LRRC4C: variants seen among roughly 807,000 people sequenced by gnomAD.
The protein encoded by LRRC4C is leucine-rich repeat-containing protein 4C.
In LRRC4C, 5 loss-of-function variants were observed where a neutral mutation model predicts 33.6. That is an observed-to-expected ratio of 0.15 (90% CI 0.08 to 0.31). LRRC4C has a LOEUF of 0.31. LRRC4C is among the 10% of genes least tolerant of loss of function. The pLI is 1.00. For synonymous variants in LRRC4C, 329 were observed against 302.0 expected (o/e 1.09, Z -0.93); for missense variants, 560 against 796.7 (o/e 0.70, Z 3.58).
At chr11:40,459,005 A>G (rs1952263386) in intron 3 of LRRC4C, among the ~76,000 whole-genome samples, 1 of 152,210 alleles carries the variant, frequency 6.6e-6, no homozygotes, top group Admixed American at 6.5e-5. Flanking sequence ...ACATACATGC[A>G]TATACAGAGA....
chr11:40,582,119 A>G (rs997769910), intron 3 of LRRC4C, among the ~76,000 whole-genome samples: 2 of 152,196 alleles, frequency 1.3e-5, no homozygotes, highest in African/African-American at 4.8e-5. Context: ...AGTTAAAAAA[A>G]GAGGGTGTGA....
intron 1 of LRRC4C, among the ~76,000 whole-genome samples, chr11:41,426,066 G>A (rs1955029388): frequency 6.6e-6 from 1 of 152,042 alleles, no homozygotes; most frequent in African/African-American, 2.4e-5. Flanking sequence ...GTGAAACTGG[G>A]GCCACCTTTT....
At chr11:40,871,397 T>C (rs1330739797) in intron 2 of LRRC4C, among the ~76,000 whole-genome samples, 3 of 152,036 alleles carry the variant, frequency 2.0e-5, no homozygotes, top group Non-Finnish European at 4.4e-5. Context: ...ACATGTGATG[T>C]CTCCCCCGGA....
At chr11:41,002,746 GAAGAA>G (rs1459267907) in intron 1 of LRRC4C, among the ~76,000 whole-genome samples, 1 of 152,132 alleles carries the variant, frequency 6.6e-6, no homozygotes, top group African/African-American at 2.4e-5. Context: ...TAGCATCACA[GAAGAA>G]AAGTAGAAAG....
intron 1 of LRRC4C, among the ~76,000 whole-genome samples, chr11:41,201,317 G>T (rs371465446): frequency 6.6e-6 from 1 of 152,154 alleles, no homozygotes; most frequent in Non-Finnish European, 1.5e-5. Flanking sequence ...ATTTGGAGAC[G>T]TTTAGGGAGC....
At chr11:40,482,455 G>A (rs1841339560) in intron 3 of LRRC4C, among the ~76,000 whole-genome samples, 1 of 150,656 alleles carries the variant, frequency 6.6e-6, no homozygotes, top group African/African-American at 2.5e-5. Context: ...TCAATTACAG[G>A]AATTTTTTTT....
chr11:40,248,930 G>T (rs1468267753), intron 4 of LRRC4C, among the ~76,000 whole-genome samples: 1 of 152,174 alleles, frequency 6.6e-6, no homozygotes, highest in Non-Finnish European at 1.5e-5. Flanking sequence ...ACCACTGCTT[G>T]AGATCAGAGA....
intron 1 of LRRC4C, among the ~76,000 whole-genome samples, chr11:41,242,206 T>C (rs1948279011): frequency 1.3e-5 from 2 of 151,626 alleles, no homozygotes; most frequent in Non-Finnish European, 2.9e-5. Flanking sequence ...CCAGTGTTGA[T>C]TTTTTTTTGT....
Position 40,163,112 on chromosome 11 carries a change from T to C in LRRC4C, c.-95-22259A>G, listed in dbSNP as rs770430956. On this transcript the variant is annotated intron_variant, in intron 5 of 6. Transcript: ENST00000528697. ...CAGAGCCAAGCAAGAAAATTCCTCA[T>C]AGTGGTCCCCTTAAGCCATTGCTTG... Among the ~76,000 whole-genome samples the C allele has an allele frequency of 1.5e-3, 222 of 152,312 alleles. 1 individual carries two copies. Among genetic ancestry groups the C allele is most frequent in the Non-Finnish European group, 2.8e-3 (188 of 68,022 alleles).
intron 1 of LRRC4C, among the ~76,000 whole-genome samples, chr11:41,336,335 A>T (rs1951451944): frequency 6.6e-6 from 1 of 152,086 alleles, no homozygotes; most frequent in Non-Finnish European, 1.5e-5. Context: ...TTTTACACAG[A>T]TTTTAAGAAC....
In LRRC4C at chr11:40,178,184, C is replaced by T. The variant is rs564996935; in HGVS notation, c.-95-37331G>A. The stretch of plus-strand genomic sequence containing the variant: ...GTACTACCCGATGGCAAGAAGGGAA[C>T]AAAGAGAAATAAAGCGAGCTTCCAA... On this transcript the variant is annotated intron_variant, in intron 5 of 6. Transcript: ENST00000528697. Among the ~76,000 whole-genome samples, 439 of 152,186 alleles carry T rather than the reference C, an allele frequency of 2.9e-3. 1 individual carries two copies. Among genetic ancestry groups the T allele is most frequent in the Middle Eastern group, 0.01 (3 of 292 alleles).
intron 1 of LRRC4C, among the ~76,000 whole-genome samples, chr11:41,232,912 A>G (rs1438202982): frequency 2.0e-5 from 3 of 152,046 alleles, no homozygotes; most frequent in Non-Finnish European, 4.4e-5. Flanking sequence ...CACTTCTGCC[A>G]ATTATATGAG....
At chr11:41,064,319 G>A (rs935621652) in intron 1 of LRRC4C, among the ~76,000 whole-genome samples, 6 of 152,072 alleles carry the variant, frequency 3.9e-5, no homozygotes, top group African/African-American at 4.8e-5. Context: ...TCCTTATTAA[G>A]CATTCTCTGC....
chr11:40,277,856 T>C (rs932464725), intron 4 of LRRC4C, among the ~76,000 whole-genome samples: 4 of 152,148 alleles, frequency 2.6e-5, no homozygotes, highest in African/African-American at 9.6e-5. Context: ...TTTTTTTGTA[T>C]TGTGGTTATT....
At chr11:40,827,622 G>C (rs1190369232) in intron 2 of LRRC4C, among the ~76,000 whole-genome samples, 1 of 151,662 alleles carries the variant, frequency 6.6e-6, no homozygotes, top group Non-Finnish European at 1.5e-5. Context: ...TTAGAGAAAA[G>C]TAATTGAATG....
At chr11:40,986,437 A>C (rs768064616) in intron 1 of LRRC4C, among the ~76,000 whole-genome samples, 3 of 152,160 alleles carry the variant, frequency 2.0e-5, no homozygotes, top group Admixed American at 6.6e-5. Context: ...ATCTCCACTA[A>C]AAATAAAAAA....
intron 2 of LRRC4C, among the ~76,000 whole-genome samples, chr11:40,858,042 G>T: frequency 6.6e-6 from 1 of 150,912 alleles, no homozygotes; most frequent in African/African-American, 2.4e-5. Context: ...GGAAGGGAAG[G>T]GAAGGGAAGG....
At chr11:40,595,385 T>C (rs1469420269) in intron 3 of LRRC4C, among the ~76,000 whole-genome samples, 3 of 152,052 alleles carry the variant, frequency 2.0e-5, no homozygotes, top group East Asian at 3.9e-4. Flanking sequence ...GAGGAGTGAG[T>C]CTACCCTAAG....
At chr11:40,877,923 A>G (rs1954985697) in intron 2 of LRRC4C, among the ~76,000 whole-genome samples, 1 of 152,236 alleles carries the variant, frequency 6.6e-6, no homozygotes, top group East Asian at 1.9e-4. Flanking sequence ...CAGCTATTAC[A>G]ATGAACCTGT....
Sources: gnomAD v4.1 joint callset for allele counts (sites outside exome capture counted in the v4.1 genomes callset) on GRCh38, gnomAD v4.1.1 for gene constraint, MANE v1.5 for transcripts, NCBI Gene and HGNC (gene_info 2026-07-23, HGNC 2026-07-21) for gene names.